GRIK2: variants seen among roughly 807,000 people sequenced by gnomAD.
GRIK2 encodes glutamate receptor ionotropic, kainate 2.
GRIK2 carries 32 observed loss-of-function variants against 100.3 expected under a neutral mutation model. That is an observed-to-expected ratio of 0.32 (90% CI 0.24 to 0.43). The LOEUF (loss-of-function observed/expected upper bound fraction) is 0.43, where lower values mean the gene tolerates loss of function less well. Ranked by LOEUF, GRIK2 falls within the 20% of genes least tolerant of loss-of-function variation. GRIK2 has a pLI of 1.00. For missense variants in GRIK2, 843 were observed against 1,114.9 expected (o/e 0.76, Z 3.47); for synonymous variants, 417 against 389.4 (o/e 1.07, Z -0.83).
intron 14 of GRIK2, among the ~76,000 whole-genome samples, chr6:101,936,800 C>T (rs1313871200): frequency 6.6e-6 from 1 of 152,092 alleles, no homozygotes; most frequent in Non-Finnish European, 1.5e-5. Context: ...GCATATGAGT[C>T]AAAGACTTTC....
intron 7 of GRIK2, among the ~76,000 whole-genome samples, chr6:101,692,727 A>G (rs1772196861): frequency 6.6e-6 from 1 of 152,068 alleles, no homozygotes; most frequent in Non-Finnish European, 1.5e-5. Context: ...TTTGTCGAAA[A>G]ATGTGTAACA....
At chr6:101,408,141 A>G (rs1377393269) in intron 2 of GRIK2, among the ~76,000 whole-genome samples, 1 of 152,132 alleles carries the variant, frequency 6.6e-6, no homozygotes, top group East Asian at 1.9e-4. Context: ...AAAATAGAGG[A>G]TGGGCTTGAC....
intron 16 of GRIK2, among the ~76,000 whole-genome samples, chr6:102,063,188 T>G (rs536123289): frequency 6.6e-6 from 1 of 150,688 alleles, no homozygotes; most frequent in African/African-American, 2.4e-5. Flanking sequence ...TAGCTCAAAT[T>G]TTGGTAGGCT....
chr6:101,695,604 A>G (rs139771109), intron 7 of GRIK2, among the ~76,000 whole-genome samples: 11 of 152,218 alleles, frequency 7.2e-5, no homozygotes, highest in African/African-American at 2.4e-4. Flanking sequence ...TCACAGTATT[A>G]ATAGGATAAG....
rs550795206 is a variant in GRIK2 at position 101,609,887 on chromosome 6, T to A, written c.116-12062T>A. ...GAAATCTATATGAGGAATAGATAGA[T>A]ATTTATAGAGAAGTAGGCTTCTTGA... On this transcript the variant is annotated intron_variant, in intron 2 of 16. Transcript: ENST00000369134. 2.0e-5 allele frequency among the ~76,000 whole-genome samples: 3 copies of A among 151,884 alleles called. No homozygotes were observed. The South Asian group carries it at 6.2e-4, about 31-fold the overall frequency.
chr6:101,460,472 T>A (rs1312808127), intron 2 of GRIK2, among the ~76,000 whole-genome samples: 2 of 152,236 alleles, frequency 1.3e-5, no homozygotes, highest in Admixed American at 6.5e-5. Flanking sequence ...GTAACACAAG[T>A]TGAAAATCTA....
intron 3 of GRIK2, among the ~76,000 whole-genome samples, chr6:101,623,909 A>G (rs1461617973): frequency 1.3e-5 from 2 of 151,990 alleles, no homozygotes; most frequent in Non-Finnish European, 2.9e-5. Flanking sequence ...AAAACATAAT[A>G]TAACAGAGCC....
At chr6:101,703,725 A>C (rs1156864572) in intron 7 of GRIK2, among the ~76,000 whole-genome samples, 2 of 151,752 alleles carry the variant, frequency 1.3e-5, no homozygotes, top group African/African-American at 4.8e-5. Flanking sequence ...GAGAAGGAAA[A>C]AATAATGTTG....
chr6:101,857,800 C>T (rs1413633930), intron 10 of GRIK2, among the ~76,000 whole-genome samples: 1 of 152,164 alleles, frequency 6.6e-6, no homozygotes, highest in African/African-American at 2.4e-5. Flanking sequence ...GTTAAACATA[C>T]AAATTTCTCA....
At chr6:101,790,459 G>A (rs1779761827) in intron 7 of GRIK2, among the ~76,000 whole-genome samples, 1 of 151,574 alleles carries the variant, frequency 6.6e-6, no homozygotes, top group African/African-American at 2.4e-5. Context: ...CATCTATTGA[G>A]ATAATCATGT....
intron 7 of GRIK2, among the ~76,000 whole-genome samples, chr6:101,716,294 A>G (rs1171499817): frequency 6.6e-6 from 1 of 151,752 alleles, no homozygotes; most frequent in African/African-American, 2.4e-5. Flanking sequence ...TAATTGGTGG[A>G]ATCTAATGAA....
At chr6:101,871,354 T>A (rs117632062) in intron 11 of GRIK2, among the ~76,000 whole-genome samples, 2,243 of 152,018 alleles carry the variant, frequency 0.015, 36 homozygotes, top group Middle Eastern at 0.068. Context: ...TTTATTTTTT[T>A]AAAAGTATTT....
At chr6:101,548,402 A>G (rs189767129) in intron 2 of GRIK2, among the ~76,000 whole-genome samples, 8 of 152,246 alleles carry the variant, frequency 5.3e-5, no homozygotes, top group East Asian at 3.9e-4. Flanking sequence ...GCCCATGCCT[A>G]TGTCCTGAAT....
At chr6:101,894,096 A>G (rs1186493796) in intron 12 of GRIK2, among the ~76,000 whole-genome samples, 2 of 151,534 alleles carry the variant, frequency 1.3e-5, no homozygotes, top group Non-Finnish European at 3.0e-5. Flanking sequence ...CTATCATATT[A>G]ATAATATTAA....
chr6:101,603,782 G>A (rs1779328968), intron 2 of GRIK2, among the ~76,000 whole-genome samples: 1 of 151,734 alleles, frequency 6.6e-6, no homozygotes, highest in South Asian at 2.1e-4. Flanking sequence ...TGTATTGTGT[G>A]ACATATTTCA....
At chr6:101,618,110 T>G (rs1330639118) in intron 2 of GRIK2, among the ~76,000 whole-genome samples, 1 of 151,742 alleles carries the variant, frequency 6.6e-6, no homozygotes, top group Admixed American at 6.6e-5. Flanking sequence ...CTTTTTGTTT[T>G]CTTTTAAAAC....
intron 6 of GRIK2, among the ~76,000 whole-genome samples, chr6:101,683,883 T>G (rs1456238819): frequency 6.6e-6 from 1 of 152,194 alleles, no homozygotes; most frequent in Non-Finnish European, 1.5e-5. Flanking sequence ...TTTTCCTTTG[T>G]AGTGTCTCTA....
intron 12 of GRIK2, among the ~76,000 whole-genome samples, chr6:101,921,772 T>C (rs1789536500): frequency 2.6e-5 from 4 of 151,952 alleles, no homozygotes; most frequent in Admixed American, 2.0e-4. Context: ...ATTAGAGGAA[T>C]GGTAATGAAT....
rs138508914 is a variant in GRIK2 at position 101,469,396 on chromosome 6, C to A, written c.115+70004C>A. Among the ~76,000 whole-genome samples the A allele has an allele frequency of 4.1e-3, 626 of 152,206 alleles. 3 individuals are homozygous for A. Among genetic ancestry groups the A allele is most frequent in the African/African-American group, 0.014 (578 of 41,564 alleles). ...TTATTTAAAATAGACAATATGATTT[C>A]TTTTCTTCTTTCTTCTAGAAAATGT... On this transcript the variant is annotated intron_variant, in intron 2 of 16. Transcript: ENST00000369134.
Sources: allele counts gnomAD v4.1 joint callset (sites outside exome capture counted in the v4.1 genomes callset), GRCh38; gene constraint gnomAD v4.1.1; transcripts MANE v1.5; gene names NCBI Gene and HGNC (gene_info 2026-07-23, HGNC 2026-07-21).